The following ESR1 variants were observed in gnomAD, a reference collection of about 807,000 sequenced individuals.
The protein encoded by ESR1 is estrogen receptor 1.
In ESR1, 12 loss-of-function variants were observed where a neutral mutation model predicts 52.7. That is an observed-to-expected ratio of 0.23 (90% CI 0.15 to 0.37). The LOEUF (loss-of-function observed/expected upper bound fraction) is 0.37. ESR1 is among the 10% of genes least tolerant of loss of function. The pLI is 1.00. For synonymous variants in ESR1, 305 were observed against 316.8 expected, an observed-to-expected ratio of 0.96 and a Z score of 0.39; for missense variants, 584 against 779.7, an observed-to-expected ratio of 0.75 and a Z score of 2.99.
Position 152,076,395 on chromosome 6 carries a change from C to T in ESR1, c.1369+15271C>T, listed in dbSNP as rs201701453. ...TGTGGAACTGTAAATCCAATTAAACCTCTTTTTCTTCCCAGTCTTGGGTAT... is the reference window on the plus strand; with the variant it reads ...TGTGGAACTGTAAATCCAATTAAACTTCTTTTTCTTCCCAGTCTTGGGTAT... On this transcript the variant is annotated intron_variant, in intron 6 of 7. Coordinates refer to ENST00000206249, the MANE Select transcript of ESR1 (RefSeq NM_000125.4). 1.1e-3 allele frequency among the ~76,000 whole-genome samples: 168 copies of T among 152,268 alleles called. 2 individuals carry two copies. The East Asian group carries it at 0.027, about 25-fold the overall frequency.
chr6:151,860,802 T>C (rs1788733598), intron 2 of ESR1, among the ~76,000 whole-genome samples: 1 of 152,202 alleles, frequency 6.6e-6, no homozygotes, highest in African/African-American at 2.4e-5. Flanking sequence ...GCATAGCCAG[T>C]TATATGATGT....
chr6:151,914,256 T>A (rs1798703507), intron 3 of ESR1, among the ~76,000 whole-genome samples: 1 of 148,476 alleles, frequency 6.7e-6, no homozygotes. Context: ...ACTTTTTCAT[T>A]AAAAAAAAAA....
At chr6:151,988,049 G>T (rs1304403903) in intron 4 of ESR1, among the ~76,000 whole-genome samples, 1 of 152,124 alleles carries the variant, frequency 6.6e-6, no homozygotes, top group African/African-American at 2.4e-5. Context: ...GACTGGCTTT[G>T]TGGAAGACAG....
intron 1 of ESR1, among the ~76,000 whole-genome samples, chr6:151,836,312 C>T (rs1444496704): frequency 3.3e-5 from 5 of 152,246 alleles, no homozygotes; most frequent in South Asian, 2.1e-4. Flanking sequence ...CACAGTGCCA[C>T]GTGGTTGGGG....
At position 151,906,958 on chromosome 6, in the gene ESR1, T is replaced by G. The variant is rs78425433; in HGVS notation, c.760+26187T>G. 5.7e-3 allele frequency among the ~76,000 whole-genome samples: 864 copies of G among 151,958 alleles called. 9 individuals carry two copies. Among genetic ancestry groups the G allele is most frequent in the African/African-American group, 0.019 (802 of 41,464 alleles). ...TATGTGAGGTAGGAATATAACTTAA[T>G]TTTTTTCCATTGAATAACCAAATTG... On this transcript the variant is annotated intron_variant, in intron 3 of 7. Transcript: ENST00000206249.
At chr6:151,888,585 T>C (rs1182943576) in intron 3 of ESR1, among the ~76,000 whole-genome samples, 1 of 152,188 alleles carries the variant, frequency 6.6e-6, no homozygotes, top group Non-Finnish European at 1.5e-5. Context: ...TATACTTACA[T>C]GATCTATGTG....
At chr6:151,966,634 T>A (rs151148708) in intron 4 of ESR1, among the ~76,000 whole-genome samples, 178 of 152,324 alleles carry the variant, frequency 1.2e-3, no homozygotes, top group African/African-American at 4.1e-3. Context: ...TTCAGTCATA[T>A]CCTTTTTATT....
At chr6:151,758,953 ACTT>A (rs1784466814) in intron 2 of ESR1, among the ~76,000 whole-genome samples, 1 of 151,748 alleles carries the variant, frequency 6.6e-6, no homozygotes, top group Non-Finnish European at 1.5e-5. Context: ...ATAACAATAA[ACTT>A]CTCAAAATCT....
At chr6:152,002,576 T>G (rs532303462) in intron 4 of ESR1, among the ~76,000 whole-genome samples, 13 of 152,188 alleles carry the variant, frequency 8.5e-5, no homozygotes, top group African/African-American at 2.9e-4. Flanking sequence ...CCACAGTAGC[T>G]GTCCTTCCTG....
At chr6:151,859,179 A>G (rs1449848267) in intron 2 of ESR1, among the ~76,000 whole-genome samples, 1 of 152,070 alleles carries the variant, frequency 6.6e-6, no homozygotes, top group African/African-American at 2.4e-5. Context: ...CCTATTCTTT[A>G]CCTTCAATGT....
At chr6:152,071,466 C>A (rs914907939) in intron 6 of ESR1, among the ~76,000 whole-genome samples, 2 of 152,156 alleles carry the variant, frequency 1.3e-5, no homozygotes, top group Non-Finnish European at 2.9e-5. Flanking sequence ...TGACTTTGGG[C>A]AAGTTGCTTA....
At chr6:151,775,663 G>A (rs558147918) in intron 2 of ESR1, among the ~76,000 whole-genome samples, 2 of 151,660 alleles carry the variant, frequency 1.3e-5, no homozygotes, top group South Asian at 4.2e-4. Flanking sequence ...GGAGAATGGC[G>A]TGAACCCGGG....
intron 2 of ESR1, among the ~76,000 whole-genome samples, chr6:151,789,167 C>T (rs920252070): frequency 6.6e-5 from 10 of 152,072 alleles, no homozygotes; most frequent in African/African-American, 2.2e-4. Context: ...AAAGGGAACC[C>T]TTATTACACA....
intron 3 of ESR1, among the ~76,000 whole-genome samples, chr6:151,932,970 GT>G: frequency 6.6e-6 from 1 of 151,858 alleles, no homozygotes; most frequent in African/African-American, 2.4e-5. Flanking sequence ...CTTTAAAGTA[GT>G]TTTTTCCAAT....
chr6:152,129,533 T>C (rs1405072509), exon 7 of ESR1: 1 of 149,362 alleles, frequency 6.7e-6, no homozygotes, highest in African/African-American at 2.5e-5. Flanking sequence ...CTCCATACTT[T>C]ATTATTGCTA....
exon 7 of ESR1, chr6:152,125,489 T>C (rs550541142): frequency 7.5e-6 from 9 of 1,201,246 alleles, no homozygotes; most frequent in Non-Finnish European, 1.0e-5. Context: ...TCATTTGCAA[T>C]GATTCAATGG....
rs549901550 is a variant in ESR1, at chr6:151,819,926, A to T, written c.452+11562A>T. On this transcript the variant is annotated intron_variant, in intron 1 of 7. Transcript: ENST00000206249. Reference sequence around the variant, plus strand: ...TCATTCACTCAGCAAGCATTACTGGATGTTGATCATGTACTGGCTTTGGTG... The same window carrying T: ...TCATTCACTCAGCAAGCATTACTGGTTGTTGATCATGTACTGGCTTTGGTG... Among the ~76,000 whole-genome samples the T allele has an allele frequency of 7.2e-5, 11 of 152,308 alleles. No homozygotes were observed. In the South Asian group the frequency reaches 2.1e-3, roughly 29 times the overall value.
At chr6:151,684,215 C>T (rs1056545585) in intron 1 of ESR1, among the ~76,000 whole-genome samples, 1 of 151,936 alleles carries the variant, frequency 6.6e-6, no homozygotes, top group Admixed American at 6.6e-5. Context: ...AGAAGGTGTG[C>T]TTTGAGATGA....
At chr6:151,783,103 T>TC (rs1469761166) in intron 2 of ESR1, among the ~76,000 whole-genome samples, 10 of 152,208 alleles carry the variant, frequency 6.6e-5, no homozygotes, top group African/African-American at 2.2e-4. Flanking sequence ...TCATCCTGTG[T>TC]CCCCCAAGGA....
Sources: allele counts gnomAD v4.1 joint callset (sites outside exome capture counted in the v4.1 genomes callset), GRCh38; gene constraint gnomAD v4.1.1; transcripts MANE v1.5; gene names NCBI Gene and HGNC (gene_info 2026-07-23, HGNC 2026-07-21).